Variants in KIT observed in about 807,000 individuals in gnomAD.
The protein encoded by KIT is mast/stem cell growth factor receptor Kit.
KIT carries 16 observed loss-of-function variants against 105.7 expected under a neutral mutation model. The ratio of observed to expected loss-of-function variants is 0.15; its 90% CI spans 0.10 to 0.23. The LOEUF (loss-of-function observed/expected upper bound fraction) is 0.23. Among genes scored for constraint, KIT ranks in the 10% least tolerant of loss-of-function variants. KIT has a pLI of 1.00. For synonymous variants in KIT, 438 were observed against 441.1 expected (o/e 0.99, Z 0.09); for missense variants, 858 against 1,213.8 (o/e 0.71, Z 4.36).
intron 1 of KIT, among the ~76,000 whole-genome samples, chr4:54,678,344 C>CCTTA (rs1718653089): frequency 9.9e-6 from 1 of 101,142 alleles, no homozygotes; most frequent in Non-Finnish European, 1.9e-5. Flanking sequence ...TTCCTTCCTT[C>CCTTA]CTTCCTTCCC....
chr4:54,686,387 G>A (rs1719314249), intron 1 of KIT, among the ~76,000 whole-genome samples: 1 of 152,174 alleles, frequency 6.6e-6, no homozygotes, highest in South Asian at 2.1e-4. Context: ...CTGGCATGCA[G>A]ATAGAACATA....
chr4:54,720,757 G>A (rs1017441668), intron 7 of KIT, among the ~76,000 whole-genome samples: 5 of 152,140 alleles, frequency 3.3e-5, no homozygotes, highest in Admixed American at 3.3e-4. Context: ...AGTATTAAGG[G>A]AATATAGGTA....
At chr4:54,693,131 A>G (rs893859545) in intron 1 of KIT, among the ~76,000 whole-genome samples, 2 of 152,166 alleles carry the variant, frequency 1.3e-5, no homozygotes, top group Non-Finnish European at 2.9e-5. Flanking sequence ...CCCAAGGGAG[A>G]GGTCTGCATT....
chr4:54,705,491 T>C (rs1418829052), intron 5 of KIT, among the ~76,000 whole-genome samples: 2 of 152,218 alleles, frequency 1.3e-5, no homozygotes, highest in African/African-American at 4.8e-5. Context: ...GGGGTACATA[T>C]AGATAGTAAG....
chr4:54,707,403 G>A (rs978467942), intron 6 of KIT, 116 bp downstream of exon 6: 1 of 770,302 alleles, frequency 1.3e-6, no homozygotes. Context: ...AAAGAAGAAA[G>A]TCTGGGGCTG....
At chr4:54,714,797 C>T (rs921502604) in intron 7 of KIT, among the ~76,000 whole-genome samples, 23 of 152,104 alleles carry the variant, frequency 1.5e-4, no homozygotes, top group Non-Finnish European at 8.8e-5. Flanking sequence ...CCTTTAATGA[C>T]GAGCTTCAGC....
chr4:54,716,471 G>A (rs1214813914), intron 7 of KIT, among the ~76,000 whole-genome samples: 1 of 151,740 alleles, frequency 6.6e-6, no homozygotes, highest in Non-Finnish European at 1.5e-5. Flanking sequence ...CTTTTTATAG[G>A]TTACCATTAC....
intron 1 of KIT, among the ~76,000 whole-genome samples, chr4:54,695,246 A>G (rs1719975653): frequency 6.6e-6 from 1 of 152,208 alleles, no homozygotes; most frequent in Non-Finnish European, 1.5e-5. Context: ...TTGTATGTTT[A>G]GCCCAGAGAA....
chr4:54,697,092 G>A (rs1221798991), intron 2 of KIT, among the ~76,000 whole-genome samples: 1 of 152,198 alleles, frequency 6.6e-6, no homozygotes, highest in Non-Finnish European at 1.5e-5. Flanking sequence ...AGTAATCTCT[G>A]TTACAGCAAT....
intron 7 of KIT, among the ~76,000 whole-genome samples, chr4:54,715,450 A>G (rs765681954): frequency 2.6e-5 from 4 of 151,966 alleles, no homozygotes; most frequent in Non-Finnish European, 5.9e-5. Flanking sequence ...TGCAGGCTGT[A>G]AGAAACACCT....
At chr4:54,694,948 G>A (rs181420916) in intron 1 of KIT, among the ~76,000 whole-genome samples, 1 of 152,144 alleles carries the variant, frequency 6.6e-6, no homozygotes, top group Non-Finnish European at 1.5e-5. Flanking sequence ...TGTTAAAACA[G>A]GTGTATCATT....
chr4:54,688,740 AG>A (rs1409569474), intron 1 of KIT, among the ~76,000 whole-genome samples: 1 of 151,828 alleles, frequency 6.6e-6, no homozygotes, highest in East Asian at 2.0e-4. Flanking sequence ...AAAATACTAC[AG>A]GTATGCTTTG....
At chr4:54,664,731 C>T (rs1717557163) in intron 1 of KIT, among the ~76,000 whole-genome samples, 1 of 151,942 alleles carries the variant, frequency 6.6e-6, no homozygotes, top group Admixed American at 6.6e-5. Flanking sequence ...TCTCAGCCTC[C>T]TGAGTAGCTG....
chr4:54,658,118 A>G, intron 1 of KIT, 37 bp downstream of exon 1: 1 of 1,605,312 alleles, frequency 6.2e-7, no homozygotes, highest in Non-Finnish European at 8.5e-7. Context: ...CCGTGCGACT[A>G]CTCGGCGAAG....
At chr4:54,663,234 A>G (rs1717422333) in intron 1 of KIT, among the ~76,000 whole-genome samples, 1 of 152,210 alleles carries the variant, frequency 6.6e-6, no homozygotes, top group Non-Finnish European at 1.5e-5. Context: ...TGGGCTCTGA[A>G]ATTGACACGC....
At chr4:54,698,224 A>G in intron 2 of KIT, 60 bp from the exon 3 acceptor site, 6 of 1,514,156 alleles carry the variant, frequency 4.0e-6, no homozygotes, top group Non-Finnish European at 5.5e-6. Context: ...TCTTTTAAAA[A>G]GTGTTTTCAG....
At chr4:54,712,457 C>T (rs1721221805) in intron 7 of KIT, among the ~76,000 whole-genome samples, 1 of 152,178 alleles carries the variant, frequency 6.6e-6, no homozygotes. Flanking sequence ...TGTGTTACCA[C>T]TGTTTCCCTG....
At chr4:54,692,726 C>T (rs1719794268) in intron 1 of KIT, among the ~76,000 whole-genome samples, 2 of 152,168 alleles carry the variant, frequency 1.3e-5, no homozygotes, top group Admixed American at 1.3e-4. Context: ...CTGGCCACTG[C>T]GTGCCCATAT....
intron 7 of KIT, among the ~76,000 whole-genome samples, chr4:54,719,736 A>G (rs1186697869): frequency 2.0e-5 from 3 of 152,240 alleles, no homozygotes; most frequent in Non-Finnish European, 4.4e-5. Flanking sequence ...AGAGTTATGT[A>G]TCTTTAAAGG....
Sources: gnomAD v4.1 joint callset for allele counts (sites outside exome capture counted in the v4.1 genomes callset) on GRCh38, gnomAD v4.1.1 for gene constraint, MANE v1.5 for transcripts, NCBI Gene and HGNC (gene_info 2026-07-23, HGNC 2026-07-21) for gene names.